DPP6: variants seen among roughly 807,000 people sequenced by gnomAD.
The protein encoded by DPP6 is dipeptidyl peptidase like 6, also known as A-type potassium channel modulatory protein DPP6.
DPP6 carries 69 observed loss-of-function variants against 122.6 expected under a neutral mutation model. The observed-to-expected ratio is 0.56, with a 90% CI of 0.46 to 0.69. The LOEUF is 0.69. DPP6 is among the 30% of genes least tolerant of loss of function. The probability of loss-of-function intolerance (pLI) is 0.00; values close to 1 mark genes in which losing one functional copy is unlikely to be tolerated. For synonymous variants in DPP6, 418 were observed against 433.1 expected (o/e 0.97, Z 0.43); for missense variants, 928 against 1,116.9 (o/e 0.83, Z 2.41).
intron 1 of DPP6, among the ~76,000 whole-genome samples, chr7:154,375,546 C>T (rs1813057617): frequency 6.6e-6 from 1 of 152,098 alleles, no homozygotes; most frequent in Admixed American, 6.6e-5. Context: ...GAAGGCGTGG[C>T]CCCATGATGG....
At chr7:154,638,008 G>A (rs1167441887) in intron 6 of DPP6, 135 bp downstream of exon 6, 2 of 936,216 alleles carry the variant, frequency 2.1e-6, no homozygotes, top group Admixed American at 2.7e-5. Context: ...TGGTATCGTG[G>A]CACCTCTGGG....
At chr7:154,071,379 G>A (rs1353413593) in intron 1 of DPP6, among the ~76,000 whole-genome samples, 1 of 152,196 alleles carries the variant, frequency 6.6e-6, no homozygotes, top group Non-Finnish European at 1.5e-5. Context: ...AGGCCTTGCA[G>A]TCAGCAAGAG....
intron 5 of DPP6, among the ~76,000 whole-genome samples, chr7:154,631,977 C>A (rs1835436563): frequency 6.6e-6 from 1 of 152,122 alleles, no homozygotes; most frequent in Admixed American, 6.5e-5. Context: ...CCTCCTGAGC[C>A]ACAATAGGCT....
At chr7:153,861,901 G>A in the DPP6 span, among the ~76,000 whole-genome samples, 1 of 152,220 alleles carries the variant, frequency 6.6e-6, no homozygotes, top group Non-Finnish European at 1.5e-5. Context: ...GGGGGAAAAA[G>A]CTGAGAATGT....
intron 1 of DPP6, among the ~76,000 whole-genome samples, chr7:154,155,039 C>T (rs991272797): frequency 3.9e-5 from 6 of 152,092 alleles, no homozygotes; most frequent in South Asian, 2.1e-4. Flanking sequence ...TACAATCCCT[C>T]GATCCTTGCC....
intron 1 of DPP6, among the ~76,000 whole-genome samples, chr7:153,942,844 G>A (rs751879755): frequency 2.0e-5 from 3 of 152,102 alleles, no homozygotes; most frequent in Non-Finnish European, 2.9e-5. Flanking sequence ...TTTACCTGTC[G>A]CCTGCTTATT....
intron 18 of DPP6, 120 bp from the exon 19 acceptor site, chr7:154,872,504 G>A (rs1023363800): frequency 2.1e-6 from 3 of 1,441,032 alleles, no homozygotes; most frequent in Non-Finnish European, 2.8e-6. Flanking sequence ...GTCTCTGTCT[G>A]TGGGCTTCCC....
At chr7:153,840,380 C>A in the DPP6 span, among the ~76,000 whole-genome samples, 1 of 151,892 alleles carries the variant, frequency 6.6e-6, no homozygotes, top group South Asian at 2.1e-4. Flanking sequence ...AGTAAAAATT[C>A]TTACTCTTTT....
intron 16 of DPP6, among the ~76,000 whole-genome samples, chr7:154,809,254 A>G (rs57008479): frequency 5.8e-5 from 8 of 136,826 alleles, no homozygotes; most frequent in Non-Finnish European, 4.7e-5. Flanking sequence ...TTCTTTTTTT[A>G]AAAAAAAAAA....
intron 3 of DPP6, among the ~76,000 whole-genome samples, chr7:154,491,304 A>G (rs1470479035): frequency 6.6e-6 from 1 of 152,202 alleles, no homozygotes; most frequent in Non-Finnish European, 1.5e-5. Context: ...CCAATTTACC[A>G]GCTGCTGTGC....
chr7:153,821,025 T>C, the DPP6 span, among the ~76,000 whole-genome samples: 6 of 151,566 alleles, frequency 4.0e-5, no homozygotes, highest in Admixed American at 1.3e-4. Flanking sequence ...AGGGGTCATG[T>C]TGGATTTGGT....
At chr7:153,875,250 A>G in the DPP6 span, among the ~76,000 whole-genome samples, 1 of 152,210 alleles carries the variant, frequency 6.6e-6, no homozygotes, top group Non-Finnish European at 1.5e-5. Flanking sequence ...ATAGAACTCC[A>G]TATGCTCTAA....
At chr7:154,475,323 C>A in intron 3 of DPP6, 1 of 396,492 alleles carries the variant, frequency 2.5e-6, no homozygotes, top group East Asian at 6.0e-5. Flanking sequence ...CTCCCAGAGA[C>A]ATCATTTCTC....
At chr7:153,879,929 G>A in the DPP6 span, among the ~76,000 whole-genome samples, 9 of 151,956 alleles carry the variant, frequency 5.9e-5, no homozygotes, top group Non-Finnish European at 5.9e-5. Flanking sequence ...CCGCTATGTT[G>A]GTAGACACAT....
intron 1 of DPP6, among the ~76,000 whole-genome samples, chr7:153,926,271 T>A (rs1224891141): frequency 6.6e-6 from 1 of 152,212 alleles, no homozygotes; most frequent in Non-Finnish European, 1.5e-5. Context: ...AAGTTTAAAT[T>A]GTCTCATTAA....
the DPP6 span, among the ~76,000 whole-genome samples, chr7:153,846,247 C>G: frequency 1.1e-4 from 17 of 152,300 alleles, 1 homozygote; most frequent in Admixed American, 9.8e-4. Context: ...TCCTGTACTA[C>G]TGGCTTTTCA....
In DPP6 at chr7:154,602,682, C is replaced by T. The variant is rs1024951760; in HGVS notation, c.628-35139C>T. ...CTGACCTCAGGTGATCTGTCTGCCT[C>T]GGCCTCCCAAAGTTTTGGGATTAGA... On this transcript the variant is annotated intron_variant, in intron 5 of 25. Transcript: ENST00000377770. 3.4e-5 allele frequency among the ~76,000 whole-genome samples: 4 copies of T among 119,284 alleles called. 1 individual carries two copies. The highest frequency in any genetic ancestry group is 5.6e-5 in the Non-Finnish European group (3 of 53,196). The allele number at this position is 119,284 out of a possible 152,430, so 78.3% of individuals were successfully genotyped here. A position where few individuals can be genotyped will look rare whatever the true frequency, so the allele number is the denominator to read the frequency against.
chr7:153,777,901 C>T, the DPP6 span, among the ~76,000 whole-genome samples: 18 of 146,698 alleles, frequency 1.2e-4, no homozygotes, highest in South Asian at 3.7e-3. Flanking sequence ...ACTTAAAGTG[C>T]AGACACAAGA....
At chr7:154,429,022 A>C (rs1035157779) in intron 1 of DPP6, among the ~76,000 whole-genome samples, 13 of 152,158 alleles carry the variant, frequency 8.5e-5, no homozygotes, top group African/African-American at 3.1e-4. Flanking sequence ...ATAAAACAAA[A>C]TAAAGAGAAT....
Sources: allele counts gnomAD v4.1 joint callset (sites outside exome capture counted in the v4.1 genomes callset), GRCh38; gene constraint gnomAD v4.1.1; transcripts MANE v1.5; gene names NCBI Gene and HGNC (gene_info 2026-07-23, HGNC 2026-07-21).